The following CFAP47 variants were observed in gnomAD, a reference collection of about 807,000 sequenced individuals.
CFAP47 encodes cilia and flagella associated protein 47.
CFAP47 carries 29 observed loss-of-function variants against 148.1 expected under a neutral mutation model. That is an observed-to-expected ratio of 0.20 (90% CI 0.15 to 0.27). The LOEUF (loss-of-function observed/expected upper bound fraction) is 0.27. Among genes scored for constraint, CFAP47 ranks in the 10% least tolerant of loss-of-function variants. The pLI is 1.00. For synonymous variants in CFAP47, 664 were observed against 577.3 expected, an observed-to-expected ratio of 1.15 and a Z score of -2.15; for missense variants, 1,872 against 1,697.5, an observed-to-expected ratio of 1.10 and a Z score of -1.81.
intron 30 of CFAP47, among the ~76,000 whole-genome samples, chrX:36,097,411 A>G (rs907624317): frequency 9.0e-6 from 1 of 111,141 alleles, no homozygotes; most frequent in Non-Finnish European, 1.9e-5. Context: ...TCCTGTTGGC[A>G]TGTCTTGTGT....
In CFAP47 at chrX:36,035,884, A is replaced by G. The variant is rs753497914; in HGVS notation, c.3811+30A>G. ...GATATTTTCTCCTATATTTGTAGTT[A>G]TACTTTCAATTTACCCTTCATATAT... On this transcript the variant is annotated intron_variant, in intron 24 of 63. Transcript: ENST00000378653. 12 of 291,627 alleles carry G rather than the reference A, an allele frequency of 4.1e-5. No individual in the cohort carries two copies. The East Asian group carries it at 5.8e-4, about 14-fold the overall frequency. The allele number at this position is 291,627 out of a possible 1,213,427, so 24.0% of individuals were successfully genotyped here.
chrX:36,142,408 A>T (rs1939158559), intron 35 of CFAP47, among the ~76,000 whole-genome samples: 1 of 111,476 alleles, frequency 9.0e-6, no homozygotes, highest in South Asian at 3.7e-4. Flanking sequence ...TCTAGTAGGA[A>T]AACATAGTCA....
chrX:36,301,014 C>A, intron 52 of CFAP47, 58 bp from the exon 53 acceptor site: 1 of 688,828 alleles, frequency 1.5e-6, no homozygotes, highest in Non-Finnish European at 2.2e-6. Context: ...CTACTTCTGC[C>A]CAATTTATTA....
chrX:36,218,578 C>T (rs958939193), intron 45 of CFAP47, among the ~76,000 whole-genome samples: 22 of 111,570 alleles, frequency 2.0e-4, no homozygotes, highest in African/African-American at 7.2e-4. Flanking sequence ...GAAGAGTCTA[C>T]GTGAGTTGTG....
intron 42 of CFAP47, among the ~76,000 whole-genome samples, chrX:36,194,076 T>C (rs1005994408): frequency 8.9e-6 from 1 of 111,755 alleles, no homozygotes; most frequent in Non-Finnish European, 1.9e-5. Context: ...AAAGAAGTTG[T>C]AGAATATAGA....
At chrX:36,166,881 A>T (rs1330965726) in intron 39 of CFAP47, among the ~76,000 whole-genome samples, 1 of 111,574 alleles carries the variant, frequency 9.0e-6, no homozygotes, top group Non-Finnish European at 1.9e-5. Flanking sequence ...CGTCTTTGGC[A>T]TGCCCACAAT....
chrX:35,954,742 C>A (rs1188214179), intron 7 of CFAP47, among the ~76,000 whole-genome samples: 4 of 112,002 alleles, frequency 3.6e-5, no homozygotes, highest in African/African-American at 6.5e-5. Context: ...TTCTGGTTTC[C>A]CAAAAACTTC....
intron 62 of CFAP47, among the ~76,000 whole-genome samples, chrX:36,370,240 T>C (rs1305844068): frequency 3.0e-5 from 3 of 101,260 alleles, no homozygotes; most frequent in African/African-American, 1.1e-4. Context: ...CCTAACACTA[T>C]CCCTCCCCCA....
Position 36,303,910 on chromosome X carries a change from A to T in CFAP47, c.8032A>T (p.Thr2678Ser), listed in dbSNP as rs1556008313. The T allele has an allele frequency of 1.7e-6, 2 of 1,144,494 alleles. No homozygotes were observed. Among genetic ancestry groups the T allele is most frequent in the African/African-American group, 3.6e-5 (2 of 55,503 alleles). 94.3% of individuals were successfully genotyped at this position (1,144,494 alleles called of 1,213,427 possible). A position where few individuals can be genotyped will look rare whatever the true frequency, so the allele number is the denominator to read the frequency against. Residue 2678 changes from threonine (T) to serine (S), a missense_variant, in exon 54 of 64, where the codon ACA becomes TCA. Transcript: ENST00000378653. ...GCATGAAACCTTAAAATTGCAAGTA[A>T]CAAACAGTAATCCTGAAAATTTTGT... ...CTHETLKLQV[T>S]NSNPENFVLD...
At chrX:36,182,453 A>G (rs1479447956) in intron 40 of CFAP47, among the ~76,000 whole-genome samples, 5 of 112,157 alleles carry the variant, frequency 4.5e-5, no homozygotes, top group Non-Finnish European at 9.4e-5. Context: ...TATTTCATCA[A>G]TCTGGCTTCT....
chrX:35,927,090 G>A (rs1044442412), intron 2 of CFAP47, among the ~76,000 whole-genome samples: 4 of 108,691 alleles, frequency 3.7e-5, no homozygotes, highest in Middle Eastern at 4.7e-3. Context: ...AAGAGGTAGA[G>A]GCTACAGCGA....
chrX:36,350,692 A>AT lies in CFAP47; in HGVS notation c.8698+571dup, dbSNP rs1267390583. Among the ~76,000 whole-genome samples the AT allele has an allele frequency of 3.2e-3, 278 of 85,966 alleles. 1 individual carries two copies. Among genetic ancestry groups the AT allele is most frequent in the East Asian group, 0.011 (25 of 2,220 alleles). 74.7% of individuals were successfully genotyped at this position (85,966 alleles called of 115,157 possible). ...TGACCTTTATTATTATTATTTATTT[A>AT]TTTTTTTTTTTGCCTCGGCATACCC... On this transcript the variant is annotated intron_variant, in intron 59 of 63. Coordinates refer to ENST00000378653, the MANE Select transcript of CFAP47 (RefSeq NM_001304548.2).
intron 57 of CFAP47, among the ~76,000 whole-genome samples, chrX:36,337,856 CTTTTTTTTTTT>C (rs1196038760): frequency 3.4e-3 from 199 of 58,324 alleles, no homozygotes; most frequent in African/African-American, 0.017. Context: ...TTCCATAATC[CTTTTTTTTTTT>C]TTTTTTTTTT....
At chrX:36,147,975 TA>T (rs112172539) in intron 36 of CFAP47, among the ~76,000 whole-genome samples, 2 of 109,822 alleles carry the variant, frequency 1.8e-5, no homozygotes, top group Admixed American at 9.7e-5. Flanking sequence ...TCTTGTTAAA[TA>T]AAAAAAAATA....
chrX:36,212,432 A>G (rs1940112685), intron 45 of CFAP47, among the ~76,000 whole-genome samples: 1 of 111,750 alleles, frequency 8.9e-6, no homozygotes, highest in Non-Finnish European at 1.9e-5. Flanking sequence ...TTGATTTATA[A>G]GAAGAAGCCT....
At chrX:36,230,551 T>A (rs1231899849) in intron 46 of CFAP47, among the ~76,000 whole-genome samples, 2 of 102,173 alleles carry the variant, frequency 2.0e-5, no homozygotes, top group Non-Finnish European at 3.8e-5. Context: ...TTTCTCCCAT[T>A]TTGTAGGTTG....
chrX:36,212,850 T>A (rs896738296), intron 45 of CFAP47, among the ~76,000 whole-genome samples: 43 of 111,409 alleles, frequency 3.9e-4, no homozygotes, highest in African/African-American at 1.4e-3. Flanking sequence ...TGGATCATCA[T>A]GCTTGTAATC....
At chrX:35,956,874 C>A (rs73468918) in intron 8 of CFAP47, among the ~76,000 whole-genome samples, 1 of 111,246 alleles carries the variant, frequency 9.0e-6, no homozygotes, top group Non-Finnish European at 1.9e-5. Context: ...GGAATATAGC[C>A]ACTCTTATTT....
intron 62 of CFAP47, among the ~76,000 whole-genome samples, chrX:36,368,498 T>G (rs1941899665): frequency 9.0e-6 from 1 of 110,935 alleles, no homozygotes; most frequent in South Asian, 3.8e-4. Flanking sequence ...CTAGAGAGTT[T>G]TAAATGTTAA....
Sources: gnomAD v4.1 joint callset for allele counts (sites outside exome capture counted in the v4.1 genomes callset) on GRCh38, gnomAD v4.1.1 for gene constraint, MANE v1.5 for transcripts, NCBI Gene and HGNC (gene_info 2026-07-23, HGNC 2026-07-21) for gene names.